The following CCDC175 variants were observed in gnomAD, a reference collection of about 807,000 sequenced individuals.
CCDC175 encodes the protein coiled-coil domain-containing protein 175.
In CCDC175, 100 loss-of-function variants were observed where a neutral mutation model predicts 114.6. The ratio of observed to expected loss-of-function variants is 0.87; its 90% CI spans 0.74 to 1.03. The LOEUF is 1.03. Among genes scored for constraint, CCDC175 ranks in the 50% least tolerant of loss-of-function variants. The probability of loss-of-function intolerance (pLI) is 0.00; values close to 1 mark genes in which losing one functional copy is unlikely to be tolerated. For missense variants in CCDC175, 880 were observed against 917.8 expected, an observed-to-expected ratio of 0.96 and a Z score of 0.53; for synonymous variants, 306 against 308.7, an observed-to-expected ratio of 0.99 and a Z score of 0.09.
intron 7 of CCDC175, among the ~76,000 whole-genome samples, chr14:59,553,789 AC>A (rs1478427182): frequency 6.6e-6 from 1 of 152,146 alleles, no homozygotes; most frequent in African/African-American, 2.4e-5. Flanking sequence ...CAAATGGAAA[AC>A]AAAAAAAAGG....
In CCDC175 at chr14:59,525,362, G is replaced by A; in HGVS notation, c.1915C>T (p.Leu639=). Residue 639 remains leucine (L), a synonymous_variant, in exon 16 of 20, where the codon CTA becomes TTA. Coordinates refer to ENST00000537690, the MANE Select transcript of CCDC175 (RefSeq NM_001164399.2). ...TAGAATCCATTTTCTAAGTTCTTTA[G>A]AGTTTCAAAATGATCTTTGTTTTTT... ...SKKNKDHFET[L]KNLENGFYIN... is the part of the protein sequence containing the mutation. The A allele has an allele frequency of 6.6e-7, 1 of 1,516,004 alleles. No individual in the cohort carries two copies. Among genetic ancestry groups the A allele is most frequent in the African/African-American group, 1.4e-5 (1 of 71,348 alleles). 93.9% of individuals were successfully genotyped at this position (1,516,004 alleles called of 1,614,324 possible).
In CCDC175 at chr14:59,551,363, T is replaced by C. The variant is rs1895467277; in HGVS notation, c.1027A>G (p.Ile343Val). Residue 343 changes from isoleucine to valine, a missense_variant, in exon 8 of 20, where the codon ATA becomes GTA. Coordinates refer to ENST00000537690, the MANE Select transcript of CCDC175 (RefSeq NM_001164399.2). The part of the protein sequence containing the change: ...NDEKNEFLNK[I>V]KQLVETLHAA... ...GACTTCTGCCTTCTTACCTGTTTTA[T>C]CTTGTTCAGGAATTCATTTTTTTCA... The C allele has an allele frequency of 2.2e-6, 3 of 1,393,736 alleles. No individual in the cohort carries two copies. Among genetic ancestry groups the C allele is most frequent in the African/African-American group, 1.5e-5 (1 of 68,472 alleles). 86.3% of individuals were successfully genotyped at this position (1,393,736 alleles called of 1,614,324 possible).
intron 10 of CCDC175, among the ~76,000 whole-genome samples, chr14:59,542,419 A>T (rs1894842099): frequency 6.6e-6 from 1 of 152,176 alleles, no homozygotes; most frequent in Non-Finnish European, 1.5e-5. Flanking sequence ...TCATTATAAA[A>T]GTGAAAAATA....
At chr14:59,507,380 T>C (rs1892490393) in intron 19 of CCDC175, among the ~76,000 whole-genome samples, 1 of 152,244 alleles carries the variant, frequency 6.6e-6, no homozygotes, top group Non-Finnish European at 1.5e-5. Context: ...GGGTATGCAC[T>C]TTAAGGTTCA....
intron 7 of CCDC175, 33 bp from the exon 8 acceptor site, chr14:59,551,469 A>T: frequency 8.7e-7 from 1 of 1,154,026 alleles, no homozygotes; most frequent in Non-Finnish European, 1.2e-6. Flanking sequence ...AGATTCATAT[A>T]AGAACATACT....
intron 16 of CCDC175, among the ~76,000 whole-genome samples, chr14:59,524,605 A>G (rs1347887424): frequency 6.6e-6 from 1 of 152,192 alleles, no homozygotes; most frequent in Non-Finnish European, 1.5e-5. Flanking sequence ...TGGTGCTCTC[A>G]TGCATTGCTG....
rs1012185047 is a variant in CCDC175 at position 59,572,815 on chromosome 14, T to C, written c.244-2A>G. ...GATTGTGGCTTTTCTCATTTCTTCCTGAAAATTTAAATTACATTTTTAAAA... is the reference window on the plus strand; with the variant it reads ...GATTGTGGCTTTTCTCATTTCTTCCCGAAAATTTAAATTACATTTTTAAAA... On this transcript the variant is annotated splice_acceptor_variant, in intron 2 of 19. Transcript: ENST00000537690. LOFTEE classifies it high-confidence loss of function. The C allele has an allele frequency of 6.7e-7, 1 of 1,485,842 alleles. No homozygotes were observed. Among genetic ancestry groups the C allele is most frequent in the African/African-American group, 1.4e-5 (1 of 70,368 alleles). 92.0% of individuals were successfully genotyped at this position (1,485,842 alleles called of 1,614,324 possible).
At chr14:59,512,085 G>GCTTT (rs1892790047) in intron 17 of CCDC175, among the ~76,000 whole-genome samples, 1 of 152,208 alleles carries the variant, frequency 6.6e-6, no homozygotes, top group South Asian at 2.1e-4. Flanking sequence ...CAATCACCCA[G>GCTTT]CTTTCCACTG....
At chr14:59,563,212 C>T (rs758757537) in intron 6 of CCDC175, among the ~76,000 whole-genome samples, 30 of 152,126 alleles carry the variant, frequency 2.0e-4, no homozygotes, top group Non-Finnish European at 2.9e-4. Flanking sequence ...TCACAAAATA[C>T]TTACCACAGT....
At position 59,563,941 on chromosome 14, in the gene CCDC175, A is replaced by G. The variant is rs899875757; in HGVS notation, c.721-82T>C. The G allele has an allele frequency of 5.6e-6, 5 of 895,492 alleles. No homozygotes were observed. The African/African-American group carries it at 8.8e-5, about 16-fold the overall frequency. The allele number at this position is 895,492 out of a possible 1,614,324, so 55.5% of individuals were successfully genotyped here. On this transcript the variant is annotated intron_variant, in intron 5 of 19. Transcript: ENST00000537690. ...AAAAAATCTTTTAAAAACAGTGTCA[A>G]CCTAATTCATATTTAATCTAAGTAT...
At chr14:59,540,458 T>G (rs1436011533) in intron 11 of CCDC175, among the ~76,000 whole-genome samples, 1 of 150,182 alleles carries the variant, frequency 6.7e-6, no homozygotes, top group African/African-American at 2.4e-5. Flanking sequence ...TGACCGCACT[T>G]GATTGAAATG....
intron 17 of CCDC175, among the ~76,000 whole-genome samples, chr14:59,516,337 T>C (rs958467745): frequency 1.3e-5 from 2 of 151,838 alleles, no homozygotes; most frequent in African/African-American, 4.8e-5. Flanking sequence ...CTGAAGGAAA[T>C]AGAGACTCAA....
At chr14:59,512,199 C>T (rs1892795138) in intron 17 of CCDC175, among the ~76,000 whole-genome samples, 1 of 152,180 alleles carries the variant, frequency 6.6e-6, no homozygotes, top group East Asian at 1.9e-4. Flanking sequence ...ACAATAAAAG[C>T]TTTTGAACAA....
At chr14:59,523,371 A>G (rs1260462408) in intron 16 of CCDC175, among the ~76,000 whole-genome samples, 3 of 152,218 alleles carry the variant, frequency 2.0e-5, no homozygotes, top group Non-Finnish European at 4.4e-5. Flanking sequence ...AACTATTGCC[A>G]TTTAACAGAT....
At chr14:59,523,345 A>C (rs1036116345) in intron 16 of CCDC175, among the ~76,000 whole-genome samples, 2 of 152,234 alleles carry the variant, frequency 1.3e-5, no homozygotes, top group Non-Finnish European at 1.5e-5. Flanking sequence ...AAAAAAACCC[A>C]TGAGAGTGGT....
At chr14:59,561,068 C>T (rs1896199517) in intron 7 of CCDC175, 51 bp downstream of exon 7, 1 of 891,536 alleles carries the variant, frequency 1.1e-6, no homozygotes, top group Non-Finnish European at 1.8e-6. Flanking sequence ...TATATTATAT[C>T]ATATTAACAT....
chr14:59,553,393 C>A (rs1287107879), intron 7 of CCDC175, among the ~76,000 whole-genome samples: 1 of 152,128 alleles, frequency 6.6e-6, no homozygotes, highest in African/African-American at 2.4e-5. Flanking sequence ...GAAATAAAAT[C>A]CTTTACAGAC....
chr14:59,524,073 C>T (rs1393183025), intron 16 of CCDC175, among the ~76,000 whole-genome samples: 2 of 151,996 alleles, frequency 1.3e-5, no homozygotes, highest in Non-Finnish European at 2.9e-5. Context: ...ATGAAGCTTA[C>T]AAGTTCAGTG....
At position 59,531,413 on chromosome 14, in the gene CCDC175, G is replaced by C. The variant is rs375436499; in HGVS notation, c.1762+359C>G. 1.3e-4 allele frequency among the ~76,000 whole-genome samples: 20 copies of C among 152,128 alleles called. 2 individuals carry two copies. The highest frequency in any genetic ancestry group is 8.5e-4 in the Admixed American group (13 of 15,276). ...TGGTTAAAATCATAGCAGGAAAAGA[G>C]ATATAATTTGCAAATTCACGGTAAG... On this transcript the variant is annotated intron_variant, in intron 14 of 19. Coordinates refer to ENST00000537690, the MANE Select transcript of CCDC175 (RefSeq NM_001164399.2).
Sources: gnomAD v4.1 joint callset for allele counts (sites outside exome capture counted in the v4.1 genomes callset) on GRCh38, gnomAD v4.1.1 for gene constraint, MANE v1.5 for transcripts, NCBI Gene and HGNC (gene_info 2026-07-23, HGNC 2026-07-21) for gene names.